ADGRE2: variants seen among roughly 807,000 people sequenced by gnomAD.
The protein encoded by ADGRE2 is adhesion G protein-coupled receptor E2, also known as CD97 antigen.
A neutral mutation model predicts 100.8 loss-of-function variants in ADGRE2; 83 were observed. That is an observed-to-expected ratio of 0.82 (90% confidence interval 0.69 to 0.99). The LOEUF is 0.99. ADGRE2 is among the 50% of genes least tolerant of loss of function. ADGRE2 has a pLI of 0.00. For missense variants in ADGRE2, 814 were observed against 1,035.7 expected, an observed-to-expected ratio of 0.79 and a Z score of 2.94; for synonymous variants, 355 against 413.0, an observed-to-expected ratio of 0.86 and a Z score of 1.70.
chr19:14,770,644 CT>C (rs997331717), intron 5 of ADGRE2, among the ~76,000 whole-genome samples: 1 of 128,130 alleles, frequency 7.8e-6, no homozygotes, highest in Non-Finnish European at 1.7e-5. Flanking sequence ...TTCTGTTTCT[CT>C]TTTTCTTTTT....
downstream of ADGRE2, among the ~76,000 whole-genome samples, chr19:14,730,846 T>G (rs2042665147): frequency 6.6e-6 from 1 of 151,704 alleles, no homozygotes; most frequent in Admixed American, 6.6e-5. Flanking sequence ...TGTCTAATGC[T>G]CCCATCTTTA....
chr19:14,754,053 C>G (rs548676791), intron 14 of ADGRE2, among the ~76,000 whole-genome samples: 6 of 151,988 alleles, frequency 3.9e-5, no homozygotes, highest in African/African-American at 1.4e-4. Context: ...TAATCAGCTG[C>G]CAGCGTGGCT....
intron 5 of ADGRE2, 96 bp from the exon 6 acceptor site, chr19:14,767,205 A>T (rs2044020548): frequency 6.4e-7 from 1 of 1,560,360 alleles, no homozygotes; most frequent in Non-Finnish European, 8.7e-7. Flanking sequence ...AGCATCTGGA[A>T]GGCACCACTG....
At chr19:14,750,547 G>GT (rs1237403304) in intron 16 of ADGRE2, among the ~76,000 whole-genome samples, 1 of 150,480 alleles carries the variant, frequency 6.6e-6, no homozygotes, top group Non-Finnish European at 1.5e-5. Flanking sequence ...GTGTCCTGGA[G>GT]GTTTCAACCA....
downstream of ADGRE2, chr19:14,731,530 A>C: frequency 3.6e-6 from 1 of 281,228 alleles, no homozygotes; most frequent in Non-Finnish European, 6.6e-6. Context: ...GTGGACCCCC[A>C]CGGTGGAGAG....
At chr19:14,763,125 A>C (rs981794402) in intron 11 of ADGRE2, among the ~76,000 whole-genome samples, 1 of 152,120 alleles carries the variant, frequency 6.6e-6, no homozygotes. Flanking sequence ...ATTATGCACA[A>C]GGTCAGGAGA....
chr19:14,766,000 C>T (rs896346914), intron 7 of ADGRE2, 196 bp from the exon 8 acceptor site: 11 of 807,662 alleles, frequency 1.4e-5, no homozygotes, highest in Middle Eastern at 2.6e-4. Flanking sequence ...TATGGTGAAA[C>T]GCCTTCCTCC....
chr19:14,775,762 G>A (rs2044411353), intron 2 of ADGRE2, among the ~76,000 whole-genome samples: 1 of 151,536 alleles, frequency 6.6e-6, no homozygotes, highest in African/African-American at 2.4e-5. Flanking sequence ...GGGAGATTGA[G>A]GCAGGAGAAT....
intron 11 of ADGRE2, among the ~76,000 whole-genome samples, chr19:14,758,809 C>T (rs2043592560): frequency 6.9e-6 from 1 of 144,070 alleles, no homozygotes; most frequent in Non-Finnish European, 1.5e-5. Flanking sequence ...GGCGTGACCC[C>T]GGGAGGCGGA....
intron 11 of ADGRE2, among the ~76,000 whole-genome samples, chr19:14,761,279 G>T (rs200289912): frequency 2.6e-5 from 4 of 152,092 alleles, no homozygotes; most frequent in Admixed American, 1.3e-4. Flanking sequence ...GGTGGCGGGC[G>T]CCTGTAGTCC....
At chr19:14,752,557 A>T in intron 14 of ADGRE2, 31 bp from the exon 15 acceptor site, 1 of 1,608,102 alleles carries the variant, frequency 6.2e-7, no homozygotes, top group Non-Finnish European at 8.5e-7. Context: ...GTTCACAGTG[A>T]TGCTTTCCTG....
intron 18 of ADGRE2, among the ~76,000 whole-genome samples, chr19:14,743,992 C>T (rs2043007240): frequency 6.6e-6 from 1 of 152,174 alleles, no homozygotes; most frequent in South Asian, 2.1e-4. Context: ...GTAATCCCAG[C>T]ACTTTGGGGG....
At chr19:14,754,065 G>A (rs903514692) in intron 14 of ADGRE2, among the ~76,000 whole-genome samples, 2 of 151,706 alleles carry the variant, frequency 1.3e-5, no homozygotes, top group Non-Finnish European at 2.9e-5. Context: ...AGCGTGGCTA[G>A]AATATAAGCA....
chr19:14,767,529 A>G (rs1256016352), intron 5 of ADGRE2, among the ~76,000 whole-genome samples: 2 of 152,068 alleles, frequency 1.3e-5, no homozygotes, highest in African/African-American at 2.4e-5. Flanking sequence ...ATGAGCCACC[A>G]TGCCTGGCCA....
intron 4 of ADGRE2, among the ~76,000 whole-genome samples, chr19:14,773,107 A>AAG (rs2044279105): frequency 6.8e-6 from 1 of 147,682 alleles, no homozygotes; most frequent in East Asian, 1.9e-4. Flanking sequence ...AACAAAAAAA[A>AAG]AAAGAAAAAA....
rs77345554 is a variant in ADGRE2, at chr19:14,758,884, C to CAAA, written c.1085-2542_1085-2540dup. Among the ~76,000 whole-genome samples the CAAA allele has an allele frequency of 8.1e-5, 9 of 110,458 alleles. 1 individual carries two copies. Among genetic ancestry groups the CAAA allele is most frequent in the Admixed American group, 1.9e-4 (2 of 10,618 alleles). 72.5% of individuals were successfully genotyped at this position (110,458 alleles called of 152,430 possible). A position where few individuals can be genotyped will look rare whatever the true frequency, so the allele number is the denominator to read the frequency against. On this transcript the variant is annotated intron_variant, in intron 11 of 20. Coordinates refer to ENST00000315576, the MANE Select transcript of ADGRE2 (RefSeq NM_013447.4). Reference sequence around the variant, plus strand: ...TGCGGGACACAGCACGACTCCGTCTCAAAAAAAAAAAAAGGAAAAAGAGAA... The same window carrying CAAA: ...TGCGGGACACAGCACGACTCCGTCTCAAAAAAAAAAAAAAAAGGAAAAAGAGAA...
intron 16 of ADGRE2, among the ~76,000 whole-genome samples, chr19:14,748,312 G>A (rs201753963): frequency 6.6e-6 from 1 of 151,432 alleles, no homozygotes; most frequent in South Asian, 2.1e-4. Context: ...ACATGATCTT[G>A]TTATTTTATT....
chr19:14,764,614 G>A lies in ADGRE2; in HGVS notation c.907-4C>T, dbSNP rs370872578. The A allele has an allele frequency of 6.2e-7, 1 of 1,609,536 alleles. No homozygotes were observed. The highest frequency in any genetic ancestry group is 8.5e-7 in the Non-Finnish European group (1 of 1,178,646). ...CATCCAGCGCCTGTAAGATGCTCTG[G>A]AGGGATGTGGACACAGACCTAGTGA... On this transcript the variant is annotated splice_region_variant and splice_polypyrimidine_tract_variant and intron_variant, in intron 10 of 20. Transcript: ENST00000315576.
At chr19:14,736,369 C>G in intron 20 of ADGRE2, 125 bp from the exon 21 acceptor site, 1 of 591,810 alleles carries the variant, frequency 1.7e-6, no homozygotes, top group Non-Finnish European at 3.0e-6. Context: ...TCAAGCAATT[C>G]TCCTGTCTCA....
Sources: allele counts gnomAD v4.1 joint callset (sites outside exome capture counted in the v4.1 genomes callset), GRCh38; gene constraint gnomAD v4.1.1; transcripts MANE v1.5; gene names NCBI Gene and HGNC (gene_info 2026-07-23, HGNC 2026-07-21).